Variants in SORCS1 observed in about 807,000 individuals in gnomAD.
The protein encoded by SORCS1 is sortilin related VPS10 domain containing receptor 1, also known as VPS10 domain-containing receptor SorCS1.
In SORCS1, 60 loss-of-function variants were observed where a neutral mutation model predicts 146.1. That is an observed-to-expected ratio of 0.41 (90% CI 0.33 to 0.51). The LOEUF (loss-of-function observed/expected upper bound fraction) is 0.51, where lower values mean the gene tolerates loss of function less well. Among genes scored for constraint, SORCS1 ranks in the 20% least tolerant of loss-of-function variants. SORCS1 has a pLI of 0.21. For missense variants in SORCS1, 1,352 were observed against 1,487.6 expected (o/e 0.91, Z 1.50); for synonymous variants, 637 against 584.0 (o/e 1.09, Z -1.31).
At chr10:107,028,043 CAG>C (rs765961732) in intron 1 of SORCS1, among the ~76,000 whole-genome samples, 2 of 152,306 alleles carry the variant, frequency 1.3e-5, no homozygotes, top group Non-Finnish European at 2.9e-5. Flanking sequence ...AGAAAGAAAA[CAG>C]AAGTTGGTGT....
intron 24 of SORCS1, among the ~76,000 whole-genome samples, chr10:106,584,142 A>C (rs1229558965): frequency 1.3e-5 from 2 of 152,162 alleles, no homozygotes; most frequent in African/African-American, 4.8e-5. Context: ...TGTGGTCTGA[A>C]ATATTTTTTC....
chr10:106,764,958 G>A (rs1171329038), intron 4 of SORCS1, among the ~76,000 whole-genome samples: 1 of 147,288 alleles, frequency 6.8e-6, no homozygotes, highest in African/African-American at 2.5e-5. Context: ...GGGATGTGGA[G>A]CTTGCAGTGA....
chr10:106,900,487 T>A (rs1951659822), intron 2 of SORCS1, among the ~76,000 whole-genome samples: 1 of 152,190 alleles, frequency 6.6e-6, no homozygotes, highest in African/African-American at 2.4e-5. Context: ...ACACTCACTG[T>A]AGCAGCCCTC....
intron 4 of SORCS1, among the ~76,000 whole-genome samples, chr10:106,770,735 T>C (rs1202253139): frequency 6.6e-6 from 1 of 152,208 alleles, no homozygotes; most frequent in Non-Finnish European, 1.5e-5. Flanking sequence ...TCTGGTGACA[T>C]TGGACCCACC....
chr10:106,799,506 T>C (rs1946759330), intron 3 of SORCS1, among the ~76,000 whole-genome samples: 1 of 152,146 alleles, frequency 6.6e-6, no homozygotes, highest in African/African-American at 2.4e-5. Context: ...ATATCCAGAA[T>C]CTACAAAGAA....
At chr10:107,133,902 A>G (rs966510024) in intron 1 of SORCS1, among the ~76,000 whole-genome samples, 20 of 152,204 alleles carry the variant, frequency 1.3e-4, no homozygotes, top group Admixed American at 1.0e-3. Context: ...TAGCTTACTC[A>G]AGCAGTCCTT....
chr10:107,048,163 G>A lies in SORCS1; in HGVS notation c.559-91583C>T, dbSNP rs113543644. On this transcript the variant is annotated intron_variant, in intron 1 of 25. Transcript: ENST00000263054. ...TTTCTAAGTCTTTTGATACTGTTTT[G>A]TACCTTTCTTATTGCCTCAATCATT... Among the ~76,000 whole-genome samples the A allele has an allele frequency of 7.1e-3, 1,078 of 152,210 alleles. 11 individuals carry two copies. Among genetic ancestry groups the A allele is most frequent in the African/African-American group, 0.024 (993 of 41,514 alleles).
At position 106,928,309 on chromosome 10, in the gene SORCS1, C is replaced by T. The variant is rs370558486; in HGVS notation, c.626+28204G>A. On this transcript the variant is annotated intron_variant, in intron 2 of 25. Transcript: ENST00000263054. ...CGCAGCGCCGGTGGGCCGGCACTGC[C>T]GAGGGACCCAGTACACCCTCCGCAG... 3.6e-3 allele frequency among the ~76,000 whole-genome samples: 543 copies of T among 152,302 alleles called. 20 individuals carry two copies. In the South Asian group the frequency reaches 0.087, roughly 24 times the overall value.
At chr10:106,842,409 T>C (rs1284384657) in intron 2 of SORCS1, among the ~76,000 whole-genome samples, 4 of 152,034 alleles carry the variant, frequency 2.6e-5, no homozygotes, top group Admixed American at 1.3e-4. Flanking sequence ...AATTTTTGTA[T>C]TTTTAGTAGA....
intron 17 of SORCS1, among the ~76,000 whole-genome samples, chr10:106,664,500 G>A (rs905699584): frequency 6.6e-6 from 1 of 152,018 alleles, no homozygotes; most frequent in Non-Finnish European, 1.5e-5. Context: ...ACATTAGCTG[G>A]GCTTGGTGGC....
At chr10:106,989,876 C>T (rs547709262) in intron 1 of SORCS1, among the ~76,000 whole-genome samples, 4 of 151,636 alleles carry the variant, frequency 2.6e-5, no homozygotes, top group Admixed American at 6.6e-5. Flanking sequence ...TTAGTACAGA[C>T]GGGGTTTAAC....
At chr10:106,660,991 CTTTAT>C (rs1850685000) in intron 17 of SORCS1, among the ~76,000 whole-genome samples, 1 of 152,206 alleles carries the variant, frequency 6.6e-6, no homozygotes, top group Non-Finnish European at 1.5e-5. Flanking sequence ...CCACTGCCCA[CTTTAT>C]TTTATATTTA....
intron 1 of SORCS1, among the ~76,000 whole-genome samples, chr10:106,994,871 C>G (rs1384884727): frequency 1.3e-5 from 2 of 152,182 alleles, no homozygotes; most frequent in Admixed American, 1.3e-4. Context: ...GTATTTTGCC[C>G]TTCCACCGTT....
intron 10 of SORCS1, among the ~76,000 whole-genome samples, chr10:106,686,433 A>T (rs2135612905): frequency 6.6e-6 from 1 of 152,304 alleles, no homozygotes; most frequent in Non-Finnish European, 1.5e-5. Context: ...TCTCATAGGC[A>T]TTTAATCTCC....
At chr10:107,123,671 A>G (rs1488796317) in intron 1 of SORCS1, among the ~76,000 whole-genome samples, 1 of 152,200 alleles carries the variant, frequency 6.6e-6, no homozygotes, top group Non-Finnish European at 1.5e-5. Flanking sequence ...TAGTGTTTAA[A>G]TTTGCAGGCC....
At chr10:107,047,075 G>C (rs1399861400) in intron 1 of SORCS1, among the ~76,000 whole-genome samples, 1 of 152,082 alleles carries the variant, frequency 6.6e-6, no homozygotes, top group Non-Finnish European at 1.5e-5. Context: ...CGCAACCTCT[G>C]CCTCCCGGGT....
intron 2 of SORCS1, among the ~76,000 whole-genome samples, chr10:106,941,485 C>T (rs1355514792): frequency 2.6e-5 from 4 of 152,222 alleles, no homozygotes; most frequent in Admixed American, 6.5e-5. Context: ...CCAAAGCCCA[C>T]GTGCTGACCC....
intron 4 of SORCS1, among the ~76,000 whole-genome samples, chr10:106,766,915 T>C (rs1408000380): frequency 6.6e-6 from 1 of 152,124 alleles, no homozygotes; most frequent in East Asian, 1.9e-4. Context: ...AGAAAAAGTG[T>C]TCTAGGGGAA....
intron 2 of SORCS1, among the ~76,000 whole-genome samples, chr10:106,951,390 G>A (rs1424837274): frequency 6.6e-6 from 1 of 151,852 alleles, no homozygotes; most frequent in Non-Finnish European, 1.5e-5. Context: ...GGCATCTGTA[G>A]TCTCAGCTAC....
Sources: gnomAD v4.1 joint callset for allele counts (sites outside exome capture counted in the v4.1 genomes callset) on GRCh38, gnomAD v4.1.1 for gene constraint, MANE v1.5 for transcripts, NCBI Gene and HGNC (gene_info 2026-07-23, HGNC 2026-07-21) for gene names.